ARFGEF3: variants seen among roughly 807,000 people sequenced by gnomAD.
ARFGEF3 encodes ARFGEF family member 3, also known as brefeldin A-inhibited guanine nucleotide-exchange protein 3.
A neutral mutation model predicts 221.7 loss-of-function variants in ARFGEF3; 96 were observed. The observed-to-expected ratio is 0.43, with a 90% CI of 0.37 to 0.51. ARFGEF3 has a LOEUF of 0.51. Among genes scored for constraint, ARFGEF3 ranks in the 20% least tolerant of loss-of-function variants. The probability of loss-of-function intolerance (pLI) is 0.00; values close to 1 mark genes in which losing one functional copy is unlikely to be tolerated. For missense variants in ARFGEF3, 2,410 were observed against 2,789.9 expected (o/e 0.86, Z 3.07); for synonymous variants, 1,145 against 1,126.8 (o/e 1.02, Z -0.32).
chr6:138,295,856 G>A (rs147792373), intron 20 of ARFGEF3, among the ~76,000 whole-genome samples: 156 of 152,278 alleles, frequency 1.0e-3, no homozygotes, highest in African/African-American at 3.4e-3. Flanking sequence ...TGGAAATGCA[G>A]GCATGCAACA....
At chr6:138,303,856 G>A (rs142581581) in intron 22 of ARFGEF3, among the ~76,000 whole-genome samples, 3,159 of 80,632 alleles carry the variant, frequency 0.039, 133 homozygotes, top group African/African-American at 0.14. Context: ...GTGAGACTCC[G>A]TCTCAAAAAA....
chr6:138,164,990 A>C (rs1776696267), intron 1 of ARFGEF3, among the ~76,000 whole-genome samples: 1 of 151,710 alleles, frequency 6.6e-6, no homozygotes, highest in South Asian at 2.1e-4. Context: ...TTAGACCCTC[A>C]TAGGAGCAAG....
intron 2 of ARFGEF3, among the ~76,000 whole-genome samples, chr6:138,205,162 T>A (rs1449913817): frequency 7.2e-5 from 11 of 152,054 alleles, no homozygotes. Flanking sequence ...TCCAAAAGGG[T>A]CTTTGTTGCT....
intron 23 of ARFGEF3, among the ~76,000 whole-genome samples, chr6:138,308,480 T>G (rs1779766663): frequency 6.6e-6 from 1 of 152,212 alleles, no homozygotes; most frequent in African/African-American, 2.4e-5. Context: ...CATGGTTCCC[T>G]GCTCTATAGA....
chr6:138,170,555 A>C, intron 1 of ARFGEF3, 107 bp from the exon 2 acceptor site: 1 of 657,776 alleles, frequency 1.5e-6, no homozygotes, highest in South Asian at 1.9e-5. Context: ...TGACTAGTTT[A>C]TAATTAGAGG....
intron 1 of ARFGEF3, among the ~76,000 whole-genome samples, chr6:138,164,545 G>T (rs1424070338): frequency 6.6e-6 from 1 of 152,130 alleles, no homozygotes; most frequent in Non-Finnish European, 1.5e-5. Context: ...TACTATTTTG[G>T]ATAATAGTTG....
At chr6:138,292,547 C>T (rs752671072) in intron 19 of ARFGEF3, among the ~76,000 whole-genome samples, 38 of 152,194 alleles carry the variant, frequency 2.5e-4, no homozygotes, top group Non-Finnish European at 4.3e-4. Context: ...AATCACCAAT[C>T]GCCTCAACTG....
chr6:138,273,269 A>G (rs1050905135), intron 12 of ARFGEF3, among the ~76,000 whole-genome samples: 1 of 152,176 alleles, frequency 6.6e-6, no homozygotes, highest in Non-Finnish European at 1.5e-5. Flanking sequence ...ATTAATGTTT[A>G]TCCAAAAAAG....
chr6:138,287,256 A>C, intron 17 of ARFGEF3, 72 bp downstream of exon 17: 1 of 1,100,150 alleles, frequency 9.1e-7, no homozygotes, highest in Non-Finnish European at 1.3e-6. Context: ...AGGCCTACAC[A>C]CGCCAGCCAA....
intron 8 of ARFGEF3, among the ~76,000 whole-genome samples, chr6:138,246,217 A>G (rs1174327354): frequency 6.6e-6 from 1 of 152,050 alleles, no homozygotes; most frequent in Non-Finnish European, 1.5e-5. Context: ...CAAATCATAA[A>G]ACACCAGACT....
Position 138,286,277 on chromosome 6 carries a change from C to T in ARFGEF3, c.2569+224C>T, listed in dbSNP as rs1324348897. 3.9e-5 allele frequency among the ~76,000 whole-genome samples: 6 copies of T among 152,100 alleles called. No homozygotes were observed. The East Asian group carries it at 5.8e-4, about 15-fold the overall frequency. ...CATCCTGGCTAACACGGTGAAACCACGTCTCTACTAAAAATACAAAAAATT... is the reference window on the plus strand; with the variant it reads ...CATCCTGGCTAACACGGTGAAACCATGTCTCTACTAAAAATACAAAAAATT... On this transcript the variant is annotated intron_variant, in intron 15 of 33. Transcript: ENST00000251691.
intron 12 of ARFGEF3, among the ~76,000 whole-genome samples, chr6:138,273,168 G>T (rs1340539545): frequency 6.6e-6 from 1 of 152,218 alleles, no homozygotes; most frequent in South Asian, 2.1e-4. Context: ...AAGGAAGTGA[G>T]TCTTGCTGTT....
chr6:138,300,487 A>G lies in ARFGEF3; in HGVS notation c.3828+1702A>G, dbSNP rs184007292. On this transcript the variant is annotated intron_variant, in intron 22 of 33. Coordinates refer to ENST00000251691, the MANE Select transcript of ARFGEF3 (RefSeq NM_020340.5). ...ATTTTAATCACTCGAAGACACTGAC[A>G]TACTATAGGGCAGTGAAGAACTACA... Among the ~76,000 whole-genome samples the G allele has an allele frequency of 8.1e-4, 123 of 152,340 alleles. 2 individuals carry two copies. The highest frequency in any genetic ancestry group is 2.1e-3 in the African/African-American group (86 of 41,586).
At chr6:138,250,487 A>G (rs983729868) in intron 8 of ARFGEF3, among the ~76,000 whole-genome samples, 17 of 152,358 alleles carry the variant, frequency 1.1e-4, no homozygotes, top group Middle Eastern at 3.4e-3. Context: ...CTGCCAAAGC[A>G]TTCCCACTGT....
chr6:138,177,057 CTTTATTTA>C (rs3044801), intron 2 of ARFGEF3, among the ~76,000 whole-genome samples: 5,711 of 146,200 alleles, frequency 0.039, 199 homozygotes, highest in South Asian at 0.17. Context: ...TTCACTTTTA[CTTTATTTA>C]TTTATTTATT....
chr6:138,315,119 A>G (rs908171895), intron 26 of ARFGEF3, among the ~76,000 whole-genome samples: 1 of 152,246 alleles, frequency 6.6e-6, no homozygotes, highest in Non-Finnish European at 1.5e-5. Context: ...TTAGAAAACA[A>G]ATCATTATAT....
At chr6:138,231,076 A>G (rs1365783297) in intron 5 of ARFGEF3, among the ~76,000 whole-genome samples, 1 of 152,152 alleles carries the variant, frequency 6.6e-6, no homozygotes, top group East Asian at 1.9e-4. Context: ...GAGGGTCTTC[A>G]GGAGGAGAGG....
intron 14 of ARFGEF3, among the ~76,000 whole-genome samples, chr6:138,280,433 G>A (rs549678068): frequency 1.7e-4 from 26 of 152,322 alleles, no homozygotes; most frequent in East Asian, 9.7e-4. Context: ...GTGTAAAACC[G>A]TAGGCCATAT....
At chr6:138,271,331 C>T (rs1778999731) in intron 12 of ARFGEF3, among the ~76,000 whole-genome samples, 1 of 152,144 alleles carries the variant, frequency 6.6e-6, no homozygotes, top group Non-Finnish European at 1.5e-5. Context: ...AATAAATAAT[C>T]ATACCACCTA....
Sources: allele counts gnomAD v4.1 joint callset (sites outside exome capture counted in the v4.1 genomes callset), GRCh38; gene constraint gnomAD v4.1.1; transcripts MANE v1.5; gene names NCBI Gene and HGNC (gene_info 2026-07-23, HGNC 2026-07-21).